Variants in CNTNAP5 observed in about 807,000 individuals in gnomAD.
CNTNAP5 encodes contactin-associated protein-like 5.
CNTNAP5 carries 72 observed loss-of-function variants against 150.2 expected under a neutral mutation model. That is an observed-to-expected ratio of 0.48 (90% CI 0.40 to 0.58). CNTNAP5 has a LOEUF of 0.58. Among genes scored for constraint, CNTNAP5 ranks in the 20% least tolerant of loss-of-function variants. The pLI is 0.00. For synonymous variants in CNTNAP5, 672 were observed against 619.8 expected, an observed-to-expected ratio of 1.08 and a Z score of -1.25; for missense variants, 1,636 against 1,626.2, an observed-to-expected ratio of 1.01 and a Z score of -0.10.
intron 1 of CNTNAP5, among the ~76,000 whole-genome samples, chr2:124,155,748 A>G (rs908262219): frequency 6.6e-6 from 1 of 152,192 alleles, no homozygotes; most frequent in Non-Finnish European, 1.5e-5. Context: ...AGGTTTTTTC[A>G]CCCATCCGTT....
At chr2:124,235,087 C>T (rs1249817452) in intron 2 of CNTNAP5, among the ~76,000 whole-genome samples, 1 of 152,138 alleles carries the variant, frequency 6.6e-6, no homozygotes, top group Admixed American at 6.5e-5. Context: ...AGTATAGTCT[C>T]CACTGAAGTC....
chr2:124,369,897 T>C (rs1690477147), intron 3 of CNTNAP5, among the ~76,000 whole-genome samples: 3 of 152,128 alleles, frequency 2.0e-5, no homozygotes, highest in African/African-American at 7.2e-5. Context: ...TCAGTTTCAC[T>C]AGTACCCTGC....
At chr2:124,457,778 A>G (rs1421946165) in intron 6 of CNTNAP5, among the ~76,000 whole-genome samples, 1 of 148,834 alleles carries the variant, frequency 6.7e-6, no homozygotes, top group Non-Finnish European at 1.5e-5. Context: ...TTCTCAAAAG[A>G]AGATATACAA....
chr2:124,502,126 A>T (rs1455575497), intron 7 of CNTNAP5, among the ~76,000 whole-genome samples: 1 of 152,144 alleles, frequency 6.6e-6, no homozygotes, highest in Non-Finnish European at 1.5e-5. Context: ...CCCACTCACA[A>T]CCTTATCTTA....
intron 11 of CNTNAP5, among the ~76,000 whole-genome samples, chr2:124,591,694 T>C (rs1430870281): frequency 6.6e-6 from 1 of 152,146 alleles, no homozygotes; most frequent in Non-Finnish European, 1.5e-5. Context: ...TACTCATATT[T>C]TAAAGCTTAC....
chr2:124,898,122 T>G (rs180845563), intron 21 of CNTNAP5, among the ~76,000 whole-genome samples: 102 of 151,412 alleles, frequency 6.7e-4, no homozygotes, highest in Non-Finnish European at 1.3e-3. Flanking sequence ...AGGGAAAAAT[T>G]TTTACTTGTA....
intron 13 of CNTNAP5, among the ~76,000 whole-genome samples, chr2:124,696,198 T>C (rs1679404014): frequency 1.3e-5 from 2 of 152,178 alleles, no homozygotes; most frequent in Non-Finnish European, 2.9e-5. Flanking sequence ...GAAGAAATGT[T>C]ACTGGAGTGA....
intron 21 of CNTNAP5, among the ~76,000 whole-genome samples, chr2:124,874,460 G>A (rs1344255476): frequency 6.6e-6 from 1 of 152,024 alleles, no homozygotes; most frequent in Non-Finnish European, 1.5e-5. Flanking sequence ...AGACAGCCAG[G>A]CAGACATAGG....
At chr2:124,907,110 C>T (rs981294190) in intron 22 of CNTNAP5, among the ~76,000 whole-genome samples, 1 of 151,808 alleles carries the variant, frequency 6.6e-6, no homozygotes. Flanking sequence ...TGTATGGAAC[C>T]AAGAAAAGGC....
rs778581360 is a variant in CNTNAP5 at position 124,025,750 on chromosome 2, G to C, written c.82+18G>C. 5 of 1,589,146 alleles carry C rather than the reference G, an allele frequency of 3.1e-6. No individual in the cohort carries two copies. On this transcript the variant is annotated intron_variant, in intron 1 of 23. Coordinates refer to ENST00000682447, the MANE Select transcript of CNTNAP5 (RefSeq NM_001367498.1). ...GACAAACTGTGAGTACGAGGAGCTG[G>C]GGGCGGGAAGGTGAGGTGGAAAACG...
At chr2:124,694,994 TTGTG>T (rs138349590) in intron 13 of CNTNAP5, among the ~76,000 whole-genome samples, 2,760 of 150,188 alleles carry the variant, frequency 0.018, 91 homozygotes, top group African/African-American at 0.063. Context: ...ATTTCCTAAA[TTGTG>T]TGTGTGTGTG....
intron 3 of CNTNAP5, among the ~76,000 whole-genome samples, chr2:124,395,333 A>G (rs746700601): frequency 3.9e-5 from 6 of 152,126 alleles, no homozygotes; most frequent in Non-Finnish European, 8.8e-5. Flanking sequence ...GCACAGGGGA[A>G]CAGACCTGGG....
At chr2:124,803,175 C>T (rs1228001532) in intron 19 of CNTNAP5, among the ~76,000 whole-genome samples, 1 of 151,260 alleles carries the variant, frequency 6.6e-6, no homozygotes, top group Non-Finnish European at 1.5e-5. Context: ...CGAATGTCAT[C>T]GATGCTAGGT....
At chr2:124,434,397 AC>A in intron 4 of CNTNAP5, 86 bp from the exon 5 acceptor site, 1 of 1,042,844 alleles carries the variant, frequency 9.6e-7, no homozygotes, top group Admixed American at 1.7e-5. Context: ...ATTTCTGTGA[AC>A]TGGACATGAA....
chr2:124,450,336 A>G (rs1158818632), intron 6 of CNTNAP5, among the ~76,000 whole-genome samples: 1 of 151,878 alleles, frequency 6.6e-6, no homozygotes, highest in African/African-American at 2.4e-5. Flanking sequence ...ATGCAAACCT[A>G]TGTTTCTTTT....
At chr2:124,536,953 G>A (rs542524815) in intron 10 of CNTNAP5, among the ~76,000 whole-genome samples, 63 of 152,168 alleles carry the variant, frequency 4.1e-4, no homozygotes, top group African/African-American at 1.5e-3. Flanking sequence ...AAACTTGAGA[G>A]ACCAGACACA....
At chr2:124,302,334 T>C (rs1378470439) in intron 3 of CNTNAP5, among the ~76,000 whole-genome samples, 1 of 152,268 alleles carries the variant, frequency 6.6e-6, no homozygotes, top group Non-Finnish European at 1.5e-5. Flanking sequence ...GTGCCGGTCT[T>C]AGCTTAGTTT....
At chr2:124,409,993 G>A (rs1199283191) in intron 3 of CNTNAP5, among the ~76,000 whole-genome samples, 4 of 150,322 alleles carry the variant, frequency 2.7e-5, no homozygotes, top group Admixed American at 6.6e-5. Flanking sequence ...CCCATCTCAC[G>A]TGCAGAGACA....
At chr2:124,400,069 C>G (rs927699247) in intron 3 of CNTNAP5, among the ~76,000 whole-genome samples, 4 of 150,908 alleles carry the variant, frequency 2.7e-5, no homozygotes, top group Non-Finnish European at 4.4e-5. Flanking sequence ...TCCCGAGGAG[C>G]ACTATTCCCT....
Sources: gnomAD v4.1 joint callset for allele counts (sites outside exome capture counted in the v4.1 genomes callset) on GRCh38, gnomAD v4.1.1 for gene constraint, MANE v1.5 for transcripts, NCBI Gene and HGNC (gene_info 2026-07-23, HGNC 2026-07-21) for gene names.